GANC: variants seen among roughly 807,000 people sequenced by gnomAD.
GANC encodes the protein neutral alpha-glucosidase C.
GANC carries 117 observed loss-of-function variants against 124.2 expected under a neutral mutation model. The ratio of observed to expected loss-of-function variants is 0.94; its 90% CI spans 0.81 to 1.10. GANC has a LOEUF of 1.10. Among genes scored for constraint, GANC ranks in the 50% least tolerant of loss-of-function variants. GANC has a pLI of 0.00. For missense variants in GANC, 1,140 were observed against 1,095.0 expected, an observed-to-expected ratio of 1.04 and a Z score of -0.58; for synonymous variants, 377 against 376.8, an observed-to-expected ratio of 1.00 and a Z score of -0.01.
At chr15:42,290,454 C>T (rs1417423554) in intron 4 of GANC, among the ~76,000 whole-genome samples, 1 of 152,138 alleles carries the variant, frequency 6.6e-6, no homozygotes. Context: ...TATTGCAGGT[C>T]ACTGAATTAG....
intron 18 of GANC, among the ~76,000 whole-genome samples, chr15:42,342,802 G>T (rs1054979970): frequency 6.6e-6 from 1 of 152,146 alleles, no homozygotes; most frequent in Non-Finnish European, 1.5e-5. Flanking sequence ...AAATGAGACC[G>T]ATGGACTGTG....
intron 3 of GANC, among the ~76,000 whole-genome samples, chr15:42,280,477 C>G (rs1051562429): frequency 6.6e-6 from 1 of 152,152 alleles, no homozygotes; most frequent in African/African-American, 2.4e-5. Context: ...AGCCTGACAC[C>G]CGGCCAGACC....
At position 42,293,007 on chromosome 15, in the gene GANC, G is replaced by A. The variant is rs902201354; in HGVS notation, c.512+90G>A. 16 of 1,288,148 alleles carry A rather than the reference G, an allele frequency of 1.2e-5. No individual in the cohort carries two copies. The African/African-American group carries it at 1.9e-4, about 16-fold the overall frequency. The allele number at this position is 1,288,148 out of a possible 1,614,324, so 79.8% of individuals were successfully genotyped here. A position where few individuals can be genotyped will look rare whatever the true frequency, so the allele number is the denominator to read the frequency against. ...CCTAAATAGATAACATAGCACCATA[G>A]AAAATTGGTTTGCCTTATTTGCTCT... On this transcript the variant is annotated intron_variant, in intron 5 of 23. Transcript: ENST00000318010.
chr15:42,310,636 C>A, intron 9 of GANC, 57 bp from the exon 10 acceptor site: 1 of 1,577,564 alleles, frequency 6.3e-7, no homozygotes, highest in Non-Finnish European at 8.7e-7. Context: ...TTATATGTGG[C>A]TGGATGTTGC....
chr15:42,349,127 C>T (rs954867399), intron 21 of GANC, among the ~76,000 whole-genome samples: 1 of 152,078 alleles, frequency 6.6e-6, no homozygotes, highest in Non-Finnish European at 1.5e-5. Context: ...CCACTTATAC[C>T]ACTGAACATA....
In GANC at chr15:42,297,652, C is replaced by T. The variant is rs749937731; in HGVS notation, c.554C>T (p.Ser185Phe). The change falls in exon 6 of 24, where the codon TCT becomes TTT. Residue 185 changes from serine (S) to phenylalanine (F), a missense_variant. Physicochemically the swap from Ser to Phe is radical, Grantham distance 155. Coordinates refer to ENST00000318010, the MANE Select transcript of GANC (RefSeq NM_198141.3). Reference sequence around the variant, plus strand: ...GAGGAGGAGACATCAGTGGACACCTCTCAGGTAATCTAGATTGATCCATTT... The same window carrying T: ...GAGGAGGAGACATCAGTGGACACCTTTCAGGTAATCTAGATTGATCCATTT... ...ENEEETSVDT[S>F]QENQEDLGLW... 1.9e-6 allele frequency: 3 copies of T among 1,604,330 alleles called. No homozygotes were observed. Among genetic ancestry groups the T allele is most frequent in the Non-Finnish European group, 2.6e-6 (3 of 1,172,346 alleles).
intron 10 of GANC, among the ~76,000 whole-genome samples, chr15:42,316,993 C>T (rs746596082): frequency 2.0e-5 from 3 of 152,306 alleles, no homozygotes; most frequent in Non-Finnish European, 4.4e-5. Context: ...ATAATGTTTA[C>T]GCTAATGATT....
At position 42,305,117 on chromosome 15, in the gene GANC, G is replaced by A. The variant is rs1348581609; in HGVS notation, c.559-1429G>A. Among the ~76,000 whole-genome samples, 25 of 152,266 alleles carry A rather than the reference G, an allele frequency of 1.6e-4. 1 individual carries two copies. Among genetic ancestry groups the A allele is most frequent in the Non-Finnish European group, 3.5e-4 (24 of 68,012 alleles). On this transcript the variant is annotated intron_variant, in intron 6 of 23. Coordinates refer to ENST00000318010, the MANE Select transcript of GANC (RefSeq NM_198141.3). The stretch of plus-strand genomic sequence containing the variant: ...AAGCCAAAATTGACAAATGGGATCT[G>A]ATTAAACTGAGGAGCTTCTGCACAG...
intron 11 of GANC, among the ~76,000 whole-genome samples, chr15:42,324,274 C>T (rs759330898): frequency 8.0e-5 from 12 of 150,782 alleles, no homozygotes; most frequent in Middle Eastern, 6.8e-3. Context: ...AAAAAAAAAA[C>T]AAAATAACAA....
chr15:42,344,653 G>T (rs2052350483), intron 19 of GANC: 1 of 152,172 alleles, frequency 6.6e-6, no homozygotes, highest in African/African-American at 2.4e-5. Flanking sequence ...ATGAACTATG[G>T]TCTATTCTCT....
At chr15:42,307,698 C>T (rs1267454057) in intron 7 of GANC, among the ~76,000 whole-genome samples, 2 of 152,128 alleles carry the variant, frequency 1.3e-5, no homozygotes, top group African/African-American at 2.4e-5. Context: ...TATATAATCA[C>T]AGAGGAGGAG....
rs138274105 is a variant in GANC, at chr15:42,345,478, A to T, written c.2230-280A>T. 2.4e-3 allele frequency among the ~76,000 whole-genome samples: 372 copies of T among 152,232 alleles called. 2 individuals are homozygous for T. Among genetic ancestry groups the T allele is most frequent in the African/African-American group, 8.6e-3 (356 of 41,538 alleles). ...TTCTGTTCAGTCTTGTATATTCAGC[A>T]CCTGGCACAGTGCTGGGCACATGGT... is the stretch of plus-strand genomic sequence containing the variant. On this transcript the variant is annotated intron_variant, in intron 19 of 23. Transcript: ENST00000318010.
rs1309044543 is a variant in GANC at position 42,285,524 on chromosome 15, G to A, written c.202-2167G>A. Reference sequence around the variant, plus strand: ...TGGTGATAATAAGAGATAAGGCACAGTGGCTCATACTTGTAATCCCAGCAC... The same window carrying A: ...TGGTGATAATAAGAGATAAGGCACAATGGCTCATACTTGTAATCCCAGCAC... On this transcript the variant is annotated intron_variant, in intron 3 of 23. Coordinates refer to ENST00000318010, the MANE Select transcript of GANC (RefSeq NM_198141.3). Among the ~76,000 whole-genome samples the A allele has an allele frequency of 3.3e-5, 5 of 152,248 alleles. No homozygotes were observed. In the East Asian group the frequency reaches 9.6e-4, roughly 29 times the overall value.
At chr15:42,279,103 T>C (rs145174294) in intron 3 of GANC, among the ~76,000 whole-genome samples, 38 of 152,390 alleles carry the variant, frequency 2.5e-4, no homozygotes, top group African/African-American at 9.1e-4. Flanking sequence ...GTGTATCAGA[T>C]GTTTTCCTAA....
intron 17 of GANC, 114 bp downstream of exon 17, chr15:42,340,026 A>G (rs1444836169): frequency 1.5e-6 from 2 of 1,363,174 alleles, no homozygotes; most frequent in East Asian, 2.3e-5. Flanking sequence ...AAGAAAAGCT[A>G]CATGTTTAAT....
intron 6 of GANC, 110 bp downstream of exon 6, chr15:42,297,766 C>G: frequency 1.5e-6 from 1 of 663,074 alleles, no homozygotes; most frequent in Non-Finnish European, 2.5e-6. Flanking sequence ...GTTAAATGAT[C>G]GACTGCATAT....
At chr15:42,305,613 T>A (rs1179965680) in intron 6 of GANC, among the ~76,000 whole-genome samples, 2 of 152,180 alleles carry the variant, frequency 1.3e-5, no homozygotes, top group African/African-American at 2.4e-5. Context: ...TCTAAAGAAT[T>A]ATAAATCATT....
At chr15:42,276,172 A>G (rs2051669099) in intron 1 of GANC, 176 bp from the exon 2 acceptor site, 2 of 473,328 alleles carry the variant, frequency 4.2e-6, no homozygotes, top group Non-Finnish European at 7.7e-6. Flanking sequence ...ACAAAAGGCT[A>G]TTGTTCTGCA....
intron 6 of GANC, among the ~76,000 whole-genome samples, chr15:42,298,426 A>G (rs1365422286): frequency 6.6e-6 from 1 of 152,212 alleles, no homozygotes; most frequent in Non-Finnish European, 1.5e-5. Flanking sequence ...GGAATTGGTG[A>G]GACATCATTG....
Sources: allele counts gnomAD v4.1 joint callset (sites outside exome capture counted in the v4.1 genomes callset), GRCh38; gene constraint gnomAD v4.1.1; transcripts MANE v1.5; gene names NCBI Gene and HGNC (gene_info 2026-07-23, HGNC 2026-07-21).